NFIA: variants seen among roughly 807,000 people sequenced by gnomAD.
The protein encoded by NFIA is nuclear factor I A, also known as nuclear factor 1 A-type.
In NFIA, 8 loss-of-function variants were observed where a neutral mutation model predicts 62.8. The ratio of observed to expected loss-of-function variants is 0.13; its 90% CI spans 0.07 to 0.23. The LOEUF is 0.23. NFIA is among the 10% of genes least tolerant of loss of function. The pLI, the probability that NFIA is intolerant of heterozygous loss-of-function variation, is 1.00. For synonymous variants in NFIA, 235 were observed against 238.1 expected (o/e 0.99, Z 0.12); for missense variants, 410 against 642.1 (o/e 0.64, Z 3.91).
At chr1:61,092,490 T>G (rs1279841769) in intron 2 of NFIA, among the ~76,000 whole-genome samples, 1 of 152,282 alleles carries the variant, frequency 6.6e-6, no homozygotes, top group African/African-American at 2.4e-5. Context: ...ATAGCAAAGA[T>G]CCTTTCAATC....
chr1:61,290,780 G>A (rs1658831363), intron 3 of NFIA, among the ~76,000 whole-genome samples: 1 of 152,140 alleles, frequency 6.6e-6, no homozygotes, highest in Non-Finnish European at 1.5e-5. Flanking sequence ...TCCACCAGTA[G>A]TTACCAACTG....
chr1:61,361,073 G>T (rs1033256061), intron 6 of NFIA, among the ~76,000 whole-genome samples: 7 of 152,100 alleles, frequency 4.6e-5, no homozygotes, highest in African/African-American at 1.4e-4. Flanking sequence ...CACATAAGCA[G>T]ATCATTATAC....
At chr1:61,200,068 G>A (rs76192853) in intron 2 of NFIA, among the ~76,000 whole-genome samples, 1,779 of 39,894 alleles carry the variant, frequency 0.045, 64 homozygotes, top group African/African-American at 0.13. Flanking sequence ...ATATATATAT[G>A]TATGTATGTT....
chr1:61,296,372 T>A (rs1303892442), intron 3 of NFIA, among the ~76,000 whole-genome samples: 1 of 152,236 alleles, frequency 6.6e-6, no homozygotes, highest in Non-Finnish European at 1.5e-5. Context: ...CAGATCACTT[T>A]GAATTGGCTT....
chr1:61,088,543 C>T lies in NFIA; in HGVS notation c.422C>T (p.Pro141Leu), dbSNP rs1309732498. 1.2e-6 allele frequency: 2 copies of T among 1,614,062 alleles called. No homozygotes were observed. Among genetic ancestry groups the T allele is most frequent in the Non-Finnish European group, 1.7e-6 (2 of 1,180,020 alleles). Residue 141 changes from proline to leucine, a missense_variant, in exon 2 of 11, where the codon CCG becomes CTG. By Grantham distance (98) the Pro-to-Leu change is moderately conservative (BLOSUM62 -3). Transcript: ENST00000403491. This position sits in a 1 kb window ranked among gnomAD's most constrained non-coding sequence, Gnocchi z 4.5. Reference sequence around the variant, plus strand: ...ATGGTGATTTTGTTTAAAGGTATTCCGCTGGAAAGTACTGATGGCGAGCGC... The same window carrying T: ...ATGGTGATTTTGTTTAAAGGTATTCTGCTGGAAAGTACTGATGGCGAGCGC... ...LVMVILFKGIPLESTDGERLV... is the reference protein window; with the variant it reads ...LVMVILFKGILLESTDGERLV...
chr1:61,284,056 A>G (rs550145401), intron 3 of NFIA, among the ~76,000 whole-genome samples: 47 of 152,346 alleles, frequency 3.1e-4, no homozygotes, highest in African/African-American at 1.0e-3. Context: ...TTCTTTTACA[A>G]TTACCTAGCA....
intron 2 of NFIA, among the ~76,000 whole-genome samples, chr1:61,091,651 G>A (rs1646322046): frequency 1.3e-5 from 2 of 152,148 alleles, no homozygotes; most frequent in Admixed American, 6.5e-5. Context: ...CTTTGTGGGT[G>A]TGTAACAGTA....
At chr1:61,188,416 T>C (rs1286016964) in intron 2 of NFIA, among the ~76,000 whole-genome samples, 1 of 152,146 alleles carries the variant, frequency 6.6e-6, no homozygotes, top group Admixed American at 6.5e-5. Flanking sequence ...TGGGAACCAA[T>C]AACAAGATGC....
intron 3 of NFIA, among the ~76,000 whole-genome samples, chr1:61,283,287 A>G (rs1402050241): frequency 2.0e-5 from 3 of 151,972 alleles, no homozygotes; most frequent in Non-Finnish European, 4.4e-5. Context: ...ATTTATGTGT[A>G]GGGCTGGACA....
intron 2 of NFIA, among the ~76,000 whole-genome samples, chr1:61,132,244 C>T (rs1239815521): frequency 6.6e-6 from 1 of 152,118 alleles, no homozygotes; most frequent in Non-Finnish European, 1.5e-5. Flanking sequence ...CCTGTCCACT[C>T]CCATTACTAA....
chr1:61,384,139 G>A (rs1664565154), intron 7 of NFIA, among the ~76,000 whole-genome samples: 1 of 152,122 alleles, frequency 6.6e-6, no homozygotes, highest in African/African-American at 2.4e-5. Flanking sequence ...AATAATTGTA[G>A]CCATGTTTGC....
At chr1:61,328,922 C>T (rs1661119280) in intron 3 of NFIA, among the ~76,000 whole-genome samples, 1 of 146,930 alleles carries the variant, frequency 6.8e-6, no homozygotes, top group Non-Finnish European at 1.5e-5. Flanking sequence ...AGGGTTTCAC[C>T]ATGTTGGCCA....
chr1:61,255,444 T>C (rs1287420431), intron 2 of NFIA, among the ~76,000 whole-genome samples: 1 of 152,250 alleles, frequency 6.6e-6, no homozygotes, highest in East Asian at 1.9e-4. Context: ...TTTTGCATTA[T>C]GCGTTACTTT....
At chr1:61,267,082 C>G (rs1343971650) in intron 2 of NFIA, among the ~76,000 whole-genome samples, 1 of 152,166 alleles carries the variant, frequency 6.6e-6, no homozygotes, top group Non-Finnish European at 1.5e-5. Flanking sequence ...CCTTTTTTCA[C>G]TATACCATAG....
chr1:61,453,279 C>T (rs1176535456), intron 10 of NFIA, among the ~76,000 whole-genome samples: 1 of 151,742 alleles, frequency 6.6e-6, no homozygotes, highest in Non-Finnish European at 1.5e-5. Context: ...CTCTTAGCAA[C>T]CAGACATGAT....
intron 3 of NFIA, among the ~76,000 whole-genome samples, chr1:61,290,586 A>G (rs1017884292): frequency 5.9e-5 from 9 of 152,232 alleles, no homozygotes; most frequent in African/African-American, 1.9e-4. Context: ...AGTTTAATGC[A>G]TTGTTACAGC....
At chr1:61,341,458 C>T (rs114865323) in intron 4 of NFIA, among the ~76,000 whole-genome samples, 2,189 of 152,178 alleles carry the variant, frequency 0.014, 20 homozygotes, top group Non-Finnish European at 0.023. Context: ...AAGCATGCTA[C>T]AGGTCATTAC....
intron 3 of NFIA, among the ~76,000 whole-genome samples, chr1:61,320,801 G>A (rs1660641896): frequency 6.6e-6 from 1 of 152,122 alleles, no homozygotes; most frequent in Admixed American, 6.6e-5. Flanking sequence ...ATTTTTTGCT[G>A]TTTAACGTCC....
intron 7 of NFIA, among the ~76,000 whole-genome samples, chr1:61,392,249 C>G (rs903922696): frequency 1.3e-5 from 2 of 151,474 alleles, no homozygotes; most frequent in African/African-American, 4.9e-5. Context: ...CCTTTAAGTC[C>G]CAGTTCAGGA....
Sources: gnomAD v4.1 joint callset for allele counts (sites outside exome capture counted in the v4.1 genomes callset) on GRCh38, gnomAD v4.1.1 for gene constraint, Gnocchi (gnomAD v3.1) non-coding constraint, MANE v1.5 for transcripts, NCBI Gene and HGNC (gene_info 2026-07-23, HGNC 2026-07-21) for gene names.